Variants in CPNE8 observed in about 807,000 individuals in gnomAD.
CPNE8 encodes copine-8.
CPNE8 carries 45 observed loss-of-function variants against 81.5 expected under a neutral mutation model. That is an observed-to-expected ratio of 0.55 (90% CI 0.44 to 0.71). The LOEUF (loss-of-function observed/expected upper bound fraction) is 0.71, where lower values mean the gene tolerates loss of function less well. CPNE8 is among the 30% of genes least tolerant of loss of function. The pLI, the probability that CPNE8 is intolerant of heterozygous loss-of-function variation, is 0.00. For synonymous variants in CPNE8, 252 were observed against 226.3 expected (o/e 1.11, Z -1.02); for missense variants, 594 against 672.1 (o/e 0.88, Z 1.28).
chr12:38,674,741 G>A (rs915069626), intron 18 of CPNE8, among the ~76,000 whole-genome samples: 1 of 152,140 alleles, frequency 6.6e-6, no homozygotes, highest in Non-Finnish European at 1.5e-5. Flanking sequence ...ACTTGCCTGT[G>A]GTGCTTTACC....
chr12:38,762,249 C>T, intron 8 of CPNE8, 33 bp from the exon 9 acceptor site: 3 of 1,262,480 alleles, frequency 2.4e-6, no homozygotes, highest in Non-Finnish European at 3.4e-6. Context: ...TATTTGCATG[C>T]TTTGACTATT....
intron 10 of CPNE8, among the ~76,000 whole-genome samples, chr12:38,735,061 T>G (rs1208126640): frequency 6.6e-6 from 1 of 152,074 alleles, no homozygotes; most frequent in East Asian, 1.9e-4. Flanking sequence ...CTTCTCTAAT[T>G]TGGATGCTGA....
At position 38,670,817 on chromosome 12, in the gene CPNE8, A is replaced by G; in HGVS notation, c.1433-15T>C. ...TTCGACCATTGCTTTAAGAGAAAAT[A>G]TGATCATTTATTCAGTACATTTTAG... On this transcript the variant is annotated splice_polypyrimidine_tract_variant and intron_variant, in intron 18 of 19. Transcript: ENST00000331366. 12 of 1,580,988 alleles carry G rather than the reference A, an allele frequency of 7.6e-6. No individual in the cohort carries two copies. Among genetic ancestry groups the G allele is most frequent in the Non-Finnish European group, 1.0e-5 (12 of 1,153,714 alleles).
At chr12:38,654,615 T>C (rs1002838126) in intron 19 of CPNE8, among the ~76,000 whole-genome samples, 6 of 152,128 alleles carry the variant, frequency 3.9e-5, no homozygotes, top group African/African-American at 1.4e-4. Context: ...AATCATTTTC[T>C]ATGTTTTTCC....
At chr12:38,778,285 C>T (rs1941976599) in intron 6 of CPNE8, among the ~76,000 whole-genome samples, 1 of 152,088 alleles carries the variant, frequency 6.6e-6, no homozygotes, top group Non-Finnish European at 1.5e-5. Flanking sequence ...TAAGTACAGC[C>T]TATGGTGGTT....
intron 6 of CPNE8, among the ~76,000 whole-genome samples, chr12:38,778,876 G>C (rs1452427927): frequency 6.6e-6 from 1 of 152,032 alleles, no homozygotes; most frequent in African/African-American, 2.4e-5. Context: ...CTTAATTCTT[G>C]TTTCCACCAT....
intron 19 of CPNE8, among the ~76,000 whole-genome samples, chr12:38,669,980 T>C (rs1939136247): frequency 6.6e-6 from 1 of 152,130 alleles, no homozygotes; most frequent in Admixed American, 6.6e-5. Context: ...CCTTAAAAAC[T>C]CGTGGCCTGT....
intron 6 of CPNE8, among the ~76,000 whole-genome samples, chr12:38,810,276 A>G (rs1046919098): frequency 5.9e-5 from 9 of 152,196 alleles, no homozygotes; most frequent in African/African-American, 2.2e-4. Flanking sequence ...TTCTTAGATA[A>G]TACTATCTCT....
chr12:38,797,439 G>C (rs550520374), intron 6 of CPNE8, among the ~76,000 whole-genome samples: 2 of 152,090 alleles, frequency 1.3e-5, no homozygotes, highest in Non-Finnish European at 2.9e-5. Context: ...AGGCAAACAG[G>C]GTCTGGAGTG....
At chr12:38,676,798 C>T (rs1463575110) in intron 17 of CPNE8, among the ~76,000 whole-genome samples, 1 of 152,128 alleles carries the variant, frequency 6.6e-6, no homozygotes, top group Admixed American at 6.6e-5. Flanking sequence ...ACTGATTATT[C>T]CTCAGGGCAT....
At chr12:38,896,864 C>G (rs376940402) in intron 1 of CPNE8, among the ~76,000 whole-genome samples, 73 of 152,230 alleles carry the variant, frequency 4.8e-4, no homozygotes, top group African/African-American at 1.6e-3. Flanking sequence ...TTCCAAAGTA[C>G]AGATACCTTC....
intron 1 of CPNE8, among the ~76,000 whole-genome samples, chr12:38,891,084 C>A (rs1165848074): frequency 6.6e-6 from 1 of 151,896 alleles, no homozygotes; most frequent in African/African-American, 2.4e-5. Context: ...CACCCACCAC[C>A]ATACCTGACA....
Position 38,656,669 on chromosome 12 carries a change from A to G in CPNE8, c.1507-2599T>C, listed in dbSNP as rs538404436. ...CAGTTTCTTCTTCTATAAAATAAAA[A>G]CCAGATGGCTTCATGGCAAATTCCA... On this transcript the variant is annotated intron_variant, in intron 19 of 19. Transcript: ENST00000331366. 3.3e-5 allele frequency among the ~76,000 whole-genome samples: 5 copies of G among 152,298 alleles called. No individual in the cohort carries two copies. The South Asian group carries it at 1.0e-3, about 32-fold the overall frequency.
Position 38,685,522 on chromosome 12 carries a change from G to A in CPNE8, c.1239C>T (p.Thr413=). The change falls in exon 16 of 20, where the codon ACC becomes ACT. Residue 413 remains threonine (T), a synonymous_variant. Coordinates refer to ENST00000331366, the MANE Select transcript of CPNE8 (RefSeq NM_153634.3). ...SLKSVQLYGP[T]NFAPVINHVA... is the part of the protein sequence containing the mutation. ...CATGATTAATTACAGGAGCAAAGTT[G>A]GTGGGCCCATATAGTTGTACAGATT... 1.2e-6 allele frequency: 2 copies of A among 1,613,336 alleles called. No homozygotes were observed. The highest frequency in any genetic ancestry group is 2.2e-5 in the South Asian group (2 of 91,040).
chr12:38,906,559 C>T (rs1944574611), upstream of CPNE8: 2 of 985,518 alleles, frequency 2.0e-6, no homozygotes, highest in South Asian at 9.4e-5. Flanking sequence ...CTCCTTCAGC[C>T]GACTCCCACC....
At chr12:38,762,237 G>A (rs1440741809) in intron 8 of CPNE8, 21 bp from the exon 9 acceptor site, 2 of 1,359,452 alleles carry the variant, frequency 1.5e-6, no homozygotes, top group Non-Finnish European at 2.1e-6. Context: ...AGAGTTTTCA[G>A]TTATTTGCAT....
intron 10 of CPNE8, among the ~76,000 whole-genome samples, chr12:38,742,902 A>G (rs1479494825): frequency 6.6e-6 from 1 of 151,864 alleles, no homozygotes. Context: ...TGATCCGTAA[A>G]CATTTTTTCA....
intron 8 of CPNE8, among the ~76,000 whole-genome samples, chr12:38,765,720 T>C (rs1410877970): frequency 3.9e-5 from 6 of 152,234 alleles, no homozygotes; most frequent in African/African-American, 1.4e-4. Context: ...ACTAGGTTTC[T>C]GTGTGTAAAT....
intron 7 of CPNE8, among the ~76,000 whole-genome samples, chr12:38,775,191 A>T (rs1941903961): frequency 6.6e-6 from 1 of 152,100 alleles, no homozygotes; most frequent in Non-Finnish European, 1.5e-5. Flanking sequence ...GTGGCACAAT[A>T]GCTCACGGCA....
Sources: gnomAD v4.1 joint callset for allele counts (sites outside exome capture counted in the v4.1 genomes callset) on GRCh38, gnomAD v4.1.1 for gene constraint, MANE v1.5 for transcripts, NCBI Gene and HGNC (gene_info 2026-07-23, HGNC 2026-07-21) for gene names.